Variants in FANCB observed in about 807,000 individuals in gnomAD.
The protein encoded by FANCB is FA complementation group B, also known as Fanconi anemia group B protein.
FANCB carries 5 observed loss-of-function variants against 38.9 expected under a neutral mutation model. That is an observed-to-expected ratio of 0.13 (90% confidence interval 0.07 to 0.27). FANCB has a LOEUF of 0.27. FANCB is among the 10% of genes least tolerant of loss of function. The pLI is 1.00. For synonymous variants in FANCB, 236 were observed against 215.4 expected, an observed-to-expected ratio of 1.10 and a Z score of -0.84; for missense variants, 573 against 602.7, an observed-to-expected ratio of 0.95 and a Z score of 0.52.
At chrX:14,834,943 CT>C, downstream of FANCB, 1 of 827,777 alleles carries the variant, frequency 1.2e-6, no homozygotes, top group Non-Finnish European at 1.8e-6. Context: ...TCCTCTTCAT[CT>C]TCTGACTCTG....
At position 14,865,421 on chromosome X, in the gene FANCB, T is replaced by C; in HGVS notation, c.90A>G (p.Gly30=). 1 of 1,209,834 alleles carries C rather than the reference T, an allele frequency of 8.3e-7. No individual in the cohort carries two copies. The highest frequency in any genetic ancestry group is 2.2e-5 in the Admixed American group (1 of 46,029). Residue 30 remains glycine, a synonymous_variant, in exon 3 of 10, where the codon GGA becomes GGG. Coordinates refer to ENST00000650831, the MANE Select transcript of FANCB (RefSeq NM_001018113.3). The stretch of plus-strand genomic sequence containing the variant: ...TTGTAGGCTCTTTATCTGCAAAATT[T>C]CCTTTAGACAACTGGAAAACAAGGA... ...GEVLVFQLSK[G]NFADKEPTKT... is the part of the protein sequence containing the mutation.
the FANCB span, among the ~76,000 whole-genome samples, chrX:14,691,710 C>T: frequency 8.9e-6 from 1 of 111,948 alleles, no homozygotes; most frequent in Non-Finnish European, 1.9e-5. Flanking sequence ...TTGGAAAGCA[C>T]TGTTCTGGTT....
the FANCB span, among the ~76,000 whole-genome samples, chrX:14,793,591 TTC>T: frequency 1.8e-5 from 2 of 112,217 alleles, no homozygotes; most frequent in African/African-American, 6.5e-5. Context: ...TAGCAATATT[TTC>T]TGTGTCAGTG....
the FANCB span, among the ~76,000 whole-genome samples, chrX:14,772,621 C>G: frequency 1.8e-5 from 2 of 112,271 alleles, no homozygotes; most frequent in East Asian, 5.6e-4. Context: ...GTGGGGCATG[C>G]AGAATGATGC....
the FANCB span, among the ~76,000 whole-genome samples, chrX:14,751,611 T>C: frequency 9.0e-5 from 10 of 111,556 alleles, no homozygotes; most frequent in South Asian, 3.4e-3. Flanking sequence ...CTTACATCAA[T>C]AAAAAGTGTT....
At chrX:14,742,270 C>T in the FANCB span, among the ~76,000 whole-genome samples, 932 of 111,653 alleles carry the variant, frequency 8.3e-3, 5 homozygotes, top group Non-Finnish European at 0.014. Flanking sequence ...GAGCCTTTTT[C>T]CATATATTCT....
At chrX:14,811,201 A>G in the FANCB span, among the ~76,000 whole-genome samples, 7 of 111,452 alleles carry the variant, frequency 6.3e-5, no homozygotes, top group South Asian at 2.3e-3. Flanking sequence ...GGTACCAGCC[A>G]CTGCAAAATC....
At chrX:14,840,538 CT>C (rs1273822018), downstream of FANCB, among the ~76,000 whole-genome samples, 1 of 111,788 alleles carries the variant, frequency 8.9e-6, no homozygotes, top group African/African-American at 3.3e-5. Flanking sequence ...AGGAAGTTCC[CT>C]GGACAAAACG....
the FANCB span, among the ~76,000 whole-genome samples, chrX:14,805,041 T>A: frequency 8.9e-6 from 1 of 111,955 alleles, no homozygotes; most frequent in African/African-American, 3.3e-5. Context: ...CAGTCCTGAT[T>A]TTTCAGTGGC....
At chrX:14,704,258 A>G in the FANCB span, among the ~76,000 whole-genome samples, 1 of 112,677 alleles carries the variant, frequency 8.9e-6, no homozygotes, top group Non-Finnish European at 1.9e-5. Context: ...CCTGAAATCA[A>G]GCCTGTGCCT....
the FANCB span, among the ~76,000 whole-genome samples, chrX:14,698,914 G>C: frequency 9.0e-6 from 1 of 111,028 alleles, no homozygotes. Context: ...CATGGGAAGA[G>C]TGTCTGGTAT....
the FANCB span, among the ~76,000 whole-genome samples, chrX:14,763,995 G>T: frequency 8.9e-6 from 1 of 111,797 alleles, no homozygotes; most frequent in African/African-American, 3.2e-5. Flanking sequence ...ATCAGCCCTG[G>T]TGCAGTGCAA....
the FANCB span, among the ~76,000 whole-genome samples, chrX:14,809,393 C>A: frequency 8.9e-6 from 1 of 112,352 alleles, no homozygotes; most frequent in East Asian, 2.8e-4. Context: ...CTCACTCGGG[C>A]AGCGCAAGGG....
At chrX:14,707,695 T>C in the FANCB span, among the ~76,000 whole-genome samples, 1 of 110,375 alleles carries the variant, frequency 9.1e-6, no homozygotes, top group East Asian at 2.8e-4. Context: ...TGTGTGGAAG[T>C]GTGTGTATGT....
chrX:14,740,087 T>C, the FANCB span, among the ~76,000 whole-genome samples: 1 of 111,382 alleles, frequency 9.0e-6, no homozygotes, highest in Non-Finnish European at 1.9e-5. Flanking sequence ...TCCTCAAAAA[T>C]GATGAAACCA....
At chrX:14,842,095 T>C (rs2092356869), downstream of FANCB, among the ~76,000 whole-genome samples, 1 of 111,877 alleles carries the variant, frequency 8.9e-6, no homozygotes, top group Admixed American at 9.5e-5. Flanking sequence ...TTTCAACAGA[T>C]AGCACATGAC....
the FANCB span, among the ~76,000 whole-genome samples, chrX:14,708,869 G>C: frequency 9.0e-6 from 1 of 110,791 alleles, no homozygotes; most frequent in Non-Finnish European, 1.9e-5. Flanking sequence ...CTGGGAGGCG[G>C]AGGTTGCGGT....
the FANCB span, among the ~76,000 whole-genome samples, chrX:14,736,914 T>G: frequency 9.0e-6 from 1 of 111,477 alleles, no homozygotes; most frequent in Admixed American, 9.5e-5. Context: ...CCCAGCACTT[T>G]GGGAAGCCAA....
intron 10 of FANCB, chrX:14,836,345 C>T (rs1319565860): frequency 9.0e-6 from 1 of 111,430 alleles, no homozygotes; most frequent in African/African-American, 3.3e-5. Context: ...TGCTATACAA[C>T]AACATGAATA....
Sources: gnomAD v4.1 joint callset for allele counts (sites outside exome capture counted in the v4.1 genomes callset) on GRCh38, gnomAD v4.1.1 for gene constraint, MANE v1.5 for transcripts, NCBI Gene and HGNC (gene_info 2026-07-23, HGNC 2026-07-21) for gene names.